The following F7 variants were observed in gnomAD, a reference collection of about 807,000 sequenced individuals.
F7 encodes FVII coagulation protein.
Under a neutral mutation model 47.5 loss-of-function variants are expected in F7, and 38 were observed. That is an observed-to-expected ratio of 0.80 (90% CI 0.62 to 1.05). F7 has a LOEUF of 1.05. F7 is among the 50% of genes least tolerant of loss of function. The pLI, the probability that F7 is intolerant of heterozygous loss-of-function variation, is 0.00. For missense variants in F7, 575 were observed against 605.4 expected (o/e 0.95, Z 0.53); for synonymous variants, 244 against 258.5 (o/e 0.94, Z 0.54).
At position 113,113,889 on chromosome 13, in the gene F7, C is replaced by T. The variant is rs1466003668; in HGVS notation, c.293C>T (p.Ser98Phe). 3 of 1,614,184 alleles carry T rather than the reference C, an allele frequency of 1.9e-6. No homozygotes were observed. The highest frequency in any genetic ancestry group is 2.5e-6 in the Non-Finnish European group (3 of 1,180,030). Residue 98 changes from serine (S) to phenylalanine (F), a missense_variant, in exon 4 of 8, where the codon TCC becomes TTC. Coordinates refer to ENST00000346342, the MANE Select transcript of F7 (RefSeq NM_019616.4). This position sits in a 1 kb window ranked among gnomAD's most constrained non-coding sequence, Gnocchi z 4.1. ...CASSPCQNGG[S>F]CKDQLQSYIC... is the part of the protein sequence containing the mutation. ...TCAAGTCCATGCCAGAATGGGGGCT[C>T]CTGCAAGGACCAGCTCCAGTCCTAT...
At position 113,113,657 on chromosome 13, in the gene F7, A is replaced by C. The variant is rs762206325; in HGVS notation, c.226-95A>C. On this transcript the variant is annotated intron_variant, in intron 2 of 7. Transcript: ENST00000346342. This position sits in a 1 kb window ranked among gnomAD's most constrained non-coding sequence, Gnocchi z 4.1. ...GCCCACCCCGCCAGACCCAGGTCCA[A>C]GTCCCCCAACCCCAGTTCATGGTGT... The C allele has an allele frequency of 1.5e-6, 2 of 1,324,056 alleles. No homozygotes were observed. 82.0% of individuals were successfully genotyped at this position (1,324,056 alleles called of 1,614,324 possible). A position where few individuals can be genotyped will look rare whatever the true frequency, so the allele number is the denominator to read the frequency against.
At chr13:113,110,576 C>G (rs2036071483) in intron 1 of F7, 114 bp from the exon 2 acceptor site, 1 of 1,425,052 alleles carries the variant, frequency 7.0e-7, no homozygotes, top group South Asian at 1.3e-5. Context: ...CGCCGCTCCC[C>G]TCCTCCAGGA....
At chr13:113,118,198 A>AC (rs1248905061) in intron 7 of F7, among the ~76,000 whole-genome samples, 3 of 151,860 alleles carry the variant, frequency 2.0e-5, no homozygotes, top group Non-Finnish European at 4.4e-5. Context: ...CAACACCCAG[A>AC]CCCCAGATTC....
chr13:113,108,713 TC>T (rs1281707353), intron 1 of F7, among the ~76,000 whole-genome samples: 1 of 111,568 alleles, frequency 9.0e-6, no homozygotes. Context: ...GGTGTGGGTG[TC>T]CCGGGGGTCG....
At chr13:113,115,553 A>T (rs1373059699) in intron 4 of F7, 107 bp from the exon 5 acceptor site, 1 of 1,298,990 alleles carries the variant, frequency 7.7e-7, no homozygotes, top group Non-Finnish European at 1.1e-6. Context: ...GCTCAGTGCC[A>T]CCTTCCAGGC....
In F7 at chr13:113,113,737, C is replaced by T. The variant is rs1200278366; in HGVS notation, c.226-15C>T. On this transcript the variant is annotated splice_polypyrimidine_tract_variant and intron_variant, in intron 2 of 7. Transcript: ENST00000346342. This position sits in a 1 kb window ranked among gnomAD's most constrained non-coding sequence, Gnocchi z 4.1. Reference sequence around the variant, plus strand: ...GAAGGTGCATCTCACGAGGCTTGCTCTCTTGTTCCTTCAGAAGCTGTTCTG... The same window carrying T: ...GAAGGTGCATCTCACGAGGCTTGCTTTCTTGTTCCTTCAGAAGCTGTTCTG... 6 of 1,613,738 alleles carry T rather than the reference C, an allele frequency of 3.7e-6. No individual in the cohort carries two copies. Among genetic ancestry groups the T allele is most frequent in the Non-Finnish European group, 5.1e-6 (6 of 1,179,742 alleles).
chr13:113,120,152 C>T lies in F7; in HGVS notation c.*1144C>T, dbSNP rs2036279215. The T allele has an allele frequency of 6.6e-6, 1 of 152,262 alleles. No homozygotes were observed. Among genetic ancestry groups the T allele is most frequent in the East Asian group, 1.9e-4 (1 of 5,174 alleles). The allele number at this position is 152,262 out of a possible 1,614,324, so 9.4% of individuals were successfully genotyped here. A position where few individuals can be genotyped will look rare whatever the true frequency, so the allele number is the denominator to read the frequency against. On this transcript the variant is annotated 3_prime_UTR_variant, in exon 8 of 8. Coordinates refer to ENST00000346342, the MANE Select transcript of F7 (RefSeq NM_019616.4). ...TCACATGGAAGCTATTTTTTAAAAA[C>T]AAAAGCTGTTTGATAGATGTTTGAG... is the stretch of plus-strand genomic sequence containing the variant.
intron 1 of F7, chr13:113,110,469 C>T: frequency 1.8e-6 from 1 of 558,804 alleles, no homozygotes; most frequent in East Asian, 3.5e-5. Flanking sequence ...CGGGATCAGC[C>T]CCCGGAAGCA....
At chr13:113,116,707 C>T in intron 5 of F7, 59 bp from the exon 6 acceptor site, 4 of 1,322,528 alleles carry the variant, frequency 3.0e-6, no homozygotes, top group Non-Finnish European at 4.4e-6. Context: ...TGAATCTTTC[C>T]TAGTGGCACG....
In F7 at chr13:113,113,370, G is replaced by T. The variant is rs1046773671; in HGVS notation, c.226-382G>T. ...TCACTTTTTTCTGTGGAGTGCTTTT[G>T]CTGTTTGTGGAATATTTTGCATCTG... On this transcript the variant is annotated intron_variant, in intron 2 of 7. Coordinates refer to ENST00000346342, the MANE Select transcript of F7 (RefSeq NM_019616.4). The surrounding 1 kb of genome is among the most constrained non-coding windows in gnomAD (Gnocchi z 4.1). Among the ~76,000 whole-genome samples, 5 of 152,204 alleles carry T rather than the reference G, an allele frequency of 3.3e-5. No homozygotes were observed. The highest frequency in any genetic ancestry group is 1.2e-4 in the African/African-American group (5 of 41,452).
At chr13:113,110,973 C>G (rs1022892261) in intron 2 of F7, 123 bp downstream of exon 2, 20 of 1,173,772 alleles carry the variant, frequency 1.7e-5, no homozygotes, top group Non-Finnish European at 2.2e-5. Flanking sequence ...GCGGCGCCCG[C>G]GCGGCGCTTT....
In F7 at chr13:113,110,812, GA is replaced by G; in HGVS notation, c.188del (p.Glu63GlyfsTer65). On this transcript the variant is annotated frameshift_variant, in exon 2 of 8. Transcript: ENST00000346342. LOFTEE classifies it high-confidence loss of function. ...RECKEEQCSF[E>X]EAREIFKDAE... Reference sequence around the variant, plus strand: ...GTGCAAGGAGGAGCAGTGCTCCTTCGAGGAGGCCCGGGAGATCTTCAAGGAC... The same window carrying G: ...GTGCAAGGAGGAGCAGTGCTCCTTCGGGAGGCCCGGGAGATCTTCAAGGAC... The G allele has an allele frequency of 1.3e-6, 2 of 1,559,088 alleles. No homozygotes were observed. Among genetic ancestry groups the G allele is most frequent in the Non-Finnish European group, 1.7e-6 (2 of 1,152,190 alleles).
chr13:113,107,249 G>A (rs2035978875), intron 1 of F7, among the ~76,000 whole-genome samples: 1 of 149,630 alleles, frequency 6.7e-6, no homozygotes, highest in South Asian at 2.1e-4. Flanking sequence ...GGGTGTGGGT[G>A]TCCCGGGAGT....
intron 4 of F7, among the ~76,000 whole-genome samples, chr13:113,115,346 G>A (rs1187706601): frequency 6.6e-6 from 1 of 152,144 alleles, no homozygotes; most frequent in African/African-American, 2.4e-5. Flanking sequence ...TTTCCCCCAG[G>A]CTCCCATCAG....
In F7 at chr13:113,118,429, C is replaced by A. The variant is rs752581890; in HGVS notation, c.756C>A (p.Ser252Arg). 1 of 1,597,944 alleles carries A rather than the reference C, an allele frequency of 6.3e-7. No homozygotes were observed. Among genetic ancestry groups the A allele is most frequent in the Non-Finnish European group, 8.5e-7 (1 of 1,172,668 alleles). Residue 252 changes from serine (S) to arginine (R), a missense_variant, in exon 8 of 8, where the codon AGC (serine) becomes AGA (arginine). Transcript: ENST00000346342. ...TCCTTCCAGGCGAGCACGACCTCAG[C>A]GAGCACGACGGGGATGAGCAGAGCC... ...LIAVLGEHDL[S>R]EHDGDEQSRR...
chr13:113,108,316 A>T (rs1454348427), intron 1 of F7, among the ~76,000 whole-genome samples: 4 of 50,466 alleles, frequency 7.9e-5, no homozygotes, highest in African/African-American at 7.7e-5. Flanking sequence ...TCCGGAGGCG[A>T]GGGTGTCCCG....
intron 1 of F7, among the ~76,000 whole-genome samples, chr13:113,110,101 G>A (rs1443299186): frequency 6.6e-6 from 1 of 152,154 alleles, no homozygotes; most frequent in Non-Finnish European, 1.5e-5. Flanking sequence ...GGACAGAGGG[G>A]CCCCAAGCGG....
At position 113,119,047 on chromosome 13, in the gene F7, C is replaced by T. The variant is rs199979441; in HGVS notation, c.*39C>T. 302 of 1,561,718 alleles carry T rather than the reference C, an allele frequency of 1.9e-4. No individual in the cohort carries two copies. In the African/African-American group the frequency reaches 3.6e-3, roughly 19 times the overall value. ...GCCTGTGGAGAGAAAGCCAAGGCTGCGTCGAACTGTCCTGGCACCAAATCC... is the reference window on the plus strand; with the variant it reads ...GCCTGTGGAGAGAAAGCCAAGGCTGTGTCGAACTGTCCTGGCACCAAATCC... On this transcript the variant is annotated 3_prime_UTR_variant, in exon 8 of 8. Coordinates refer to ENST00000346342, the MANE Select transcript of F7 (RefSeq NM_019616.4).
chr13:113,115,651 T>C lies in F7; in HGVS notation c.365-9T>C. 6.2e-7 allele frequency: 1 copy of C among 1,612,384 alleles called. No individual in the cohort carries two copies. Among genetic ancestry groups the C allele is most frequent in the Middle Eastern group, 1.7e-4 (1 of 6,060 alleles). On this transcript the variant is annotated splice_polypyrimidine_tract_variant and intron_variant, in intron 4 of 7. Transcript: ENST00000346342. ...AGCCCCTCTCAGGGTGTCCCCTTCC[T>C]GTCCCCAGACAAGGATGACCAGCTG...
Sources: allele counts gnomAD v4.1 joint callset (sites outside exome capture counted in the v4.1 genomes callset), GRCh38; gene constraint gnomAD v4.1.1; non-coding constraint Gnocchi (gnomAD v3.1); transcripts MANE v1.5; gene names NCBI Gene and HGNC (gene_info 2026-07-23, HGNC 2026-07-21).